Variants in ATG7 observed in about 807,000 individuals in gnomAD.
The protein encoded by ATG7 is ubiquitin-like modifier-activating enzyme ATG7.
ATG7 carries 70 observed loss-of-function variants against 82.4 expected under a neutral mutation model. That is an observed-to-expected ratio of 0.85 (90% confidence interval 0.70 to 1.04). The LOEUF (loss-of-function observed/expected upper bound fraction) is 1.04. Among genes scored for constraint, ATG7 ranks in the 50% least tolerant of loss-of-function variants. The pLI is 0.00. For synonymous variants in ATG7, 287 were observed against 313.0 expected (o/e 0.92, Z 0.88); for missense variants, 792 against 864.3 (o/e 0.92, Z 1.05).
intron 18 of ATG7, among the ~76,000 whole-genome samples, chr3:11,375,132 C>T (rs1284165378): frequency 2.6e-5 from 4 of 151,130 alleles, no homozygotes; most frequent in East Asian, 2.0e-4. Flanking sequence ...CGCTTGAGCC[C>T]GGGAGTTCAA....
At chr3:11,521,316 C>T (rs989687132) in intron 20 of ATG7, among the ~76,000 whole-genome samples, 1 of 152,040 alleles carries the variant, frequency 6.6e-6, no homozygotes, top group South Asian at 2.1e-4. Context: ...TGACTGGGAC[C>T]GGCACAGGAA....
At chr3:11,395,829 A>G (rs2079177678) in intron 19 of ATG7, among the ~76,000 whole-genome samples, 1 of 151,070 alleles carries the variant, frequency 6.6e-6, no homozygotes, top group Non-Finnish European at 1.5e-5. Flanking sequence ...AGTCCCAGCT[A>G]CTCGGGAGGC....
intron 19 of ATG7, among the ~76,000 whole-genome samples, chr3:11,425,834 A>G (rs555465541): frequency 6.6e-6 from 1 of 152,302 alleles, no homozygotes; most frequent in Admixed American, 6.5e-5. Context: ...GGTAGCCACT[A>G]TCTTTTCTCC....
chr3:11,553,044 G>T (rs1376631032), intron 20 of ATG7, among the ~76,000 whole-genome samples: 2 of 152,020 alleles, frequency 1.3e-5, no homozygotes, highest in African/African-American at 4.8e-5. Flanking sequence ...CCCTGCCCAG[G>T]CTGGCAGCCC....
the ATG7 span, chr3:11,564,701 AC>A: frequency 7.0e-7 from 1 of 1,419,944 alleles, no homozygotes; most frequent in Non-Finnish European, 9.5e-7. Flanking sequence ...TCCCTCCCTC[AC>A]CACCGCCCTC....
intron 20 of ATG7, chr3:11,446,502 C>T (rs1249103159): frequency 2.2e-6 from 1 of 448,478 alleles, no homozygotes; most frequent in East Asian, 7.2e-5. Flanking sequence ...ATCTGGTTTA[C>T]TTTTAGCACT....
intron 3 of ATG7, among the ~76,000 whole-genome samples, chr3:11,284,055 A>G (rs1943525529): frequency 6.6e-6 from 1 of 152,208 alleles, no homozygotes; most frequent in Non-Finnish European, 1.5e-5. Context: ...TGGAAACTAG[A>G]GGCCTGTGTG....
intron 15 of ATG7, 80 bp downstream of exon 15, chr3:11,358,692 C>T (rs1031148095): frequency 2.3e-5 from 33 of 1,440,840 alleles, no homozygotes; most frequent in Non-Finnish European, 3.1e-5. Context: ...CCTTCCCTTC[C>T]CCAGGGCAGA....
intron 20 of ATG7, among the ~76,000 whole-genome samples, chr3:11,479,768 G>A (rs150366654): frequency 1.3e-3 from 197 of 152,160 alleles, no homozygotes; most frequent in African/African-American, 4.5e-3. Flanking sequence ...ATTGTCCCTC[G>A]GTTGGTTTTT....
At chr3:11,491,855 G>A (rs534478223) in intron 20 of ATG7, among the ~76,000 whole-genome samples, 2 of 152,256 alleles carry the variant, frequency 1.3e-5, no homozygotes, top group East Asian at 1.9e-4. Flanking sequence ...AGGAGTACCC[G>A]GCCGTGTGAG....
chr3:11,360,206 C>T (rs968443223), intron 15 of ATG7, among the ~76,000 whole-genome samples: 5 of 152,144 alleles, frequency 3.3e-5, no homozygotes, highest in East Asian at 1.9e-4. Flanking sequence ...CCATCATGCT[C>T]GGCTAATTTT....
chr3:11,551,484 ATTC>A (rs2071775928), intron 20 of ATG7, among the ~76,000 whole-genome samples: 1 of 152,186 alleles, frequency 6.6e-6, no homozygotes, highest in Non-Finnish European at 1.5e-5. Flanking sequence ...TCCAGGAGAG[ATTC>A]TTCTAGGACT....
At chr3:11,413,694 T>C (rs1168342831) in intron 19 of ATG7, among the ~76,000 whole-genome samples, 1 of 152,226 alleles carries the variant, frequency 6.6e-6, no homozygotes, top group Non-Finnish European at 1.5e-5. Context: ...AGTCCATGGT[T>C]TTCTCATAGT....
chr3:11,398,581 T>A (rs538186470), intron 19 of ATG7, among the ~76,000 whole-genome samples: 2 of 152,312 alleles, frequency 1.3e-5, no homozygotes, highest in African/African-American at 4.8e-5. Context: ...TTAATAAAAA[T>A]GTGGCTCATG....
chr3:11,564,506 G>A, the ATG7 span, among the ~76,000 whole-genome samples: 2 of 152,232 alleles, frequency 1.3e-5, no homozygotes, highest in South Asian at 4.1e-4. Context: ...TGTACTGGGA[G>A]AGGAAAGAGA....
intron 18 of ATG7, among the ~76,000 whole-genome samples, chr3:11,367,759 T>G (rs1028341001): frequency 1.5e-5 from 2 of 134,618 alleles, no homozygotes; most frequent in Non-Finnish European, 3.3e-5. Context: ...TTGTTTTGGG[T>G]TTTTTTTTTT....
chr3:11,496,143 G>A (rs909629859), intron 20 of ATG7, among the ~76,000 whole-genome samples: 1 of 152,292 alleles, frequency 6.6e-6, no homozygotes, highest in Non-Finnish European at 1.5e-5. Flanking sequence ...ATTAAAAGGA[G>A]GACGTTATCG....
At chr3:11,407,661 A>G (rs1029344207) in intron 19 of ATG7, among the ~76,000 whole-genome samples, 2 of 152,336 alleles carry the variant, frequency 1.3e-5, no homozygotes, top group Non-Finnish European at 2.9e-5. Flanking sequence ...CCAAACCTCA[A>G]TTCTTGACTT....
intron 20 of ATG7, among the ~76,000 whole-genome samples, chr3:11,494,631 T>C (rs964674136): frequency 3.9e-5 from 6 of 152,186 alleles, no homozygotes; most frequent in Non-Finnish European, 8.8e-5. Context: ...TTCATCACTT[T>C]AAGCTGTTGA....
Sources: allele counts gnomAD v4.1 joint callset (sites outside exome capture counted in the v4.1 genomes callset), GRCh38; gene constraint gnomAD v4.1.1; transcripts MANE v1.5; gene names NCBI Gene and HGNC (gene_info 2026-07-23, HGNC 2026-07-21).